Variants in CRLF2 observed in about 807,000 individuals in gnomAD.
CRLF2 encodes cytokine receptor like factor 2, also known as cytokine receptor-like factor 2.
A neutral mutation model predicts 38.7 loss-of-function variants in CRLF2; 41 were observed. The ratio of observed to expected loss-of-function variants is 1.06; its 90% confidence interval spans 0.83 to 1.37. CRLF2 has a LOEUF of 1.37. Among genes scored for constraint, CRLF2 ranks in the 40% most tolerant of loss-of-function variants. The pLI, the probability that CRLF2 is intolerant of heterozygous loss-of-function variation, is 0.00. For missense variants in CRLF2, 377 were observed against 322.2 expected, an observed-to-expected ratio of 1.17 and a Z score of -1.30; for synonymous variants, 140 against 128.8, an observed-to-expected ratio of 1.09 and a Z score of -0.59.
chrX:1,192,095 C>T (rs1190387132), intron 7 of CRLF2, among the ~76,000 whole-genome samples: 1 of 145,890 alleles, frequency 6.9e-6, no homozygotes, highest in East Asian at 2.2e-4. Flanking sequence ...GTCCCAGCTA[C>T]TTGGGAGGCT....
At chrX:1,206,647 T>C (rs1472172501) in intron 2 of CRLF2, 48 bp from the exon 3 acceptor site, 5 of 1,581,038 alleles carry the variant, frequency 3.2e-6, no homozygotes, top group Non-Finnish European at 4.3e-6. Flanking sequence ...AAAAAGCATG[T>C]CTTATTTATT....
In CRLF2 at chrX:1,194,664, C is replaced by G. The variant is rs2086447339; in HGVS notation, c.768-1362G>C. Among the ~76,000 whole-genome samples, 4 of 151,986 alleles carry G rather than the reference C, an allele frequency of 2.6e-5. No individual in the cohort carries two copies. In the South Asian group the frequency reaches 8.3e-4, roughly 31 times the overall value. On this transcript the variant is annotated intron_variant, in intron 6 of 7. Transcript: ENST00000400841. ...GAGACTATATTTGGAGATGGGGAGT[C>G]TCTAAAAAGGTGATGATAGTAAAAT...
chrX:1,207,804 C>T (rs1224171916), intron 2 of CRLF2, among the ~76,000 whole-genome samples: 1 of 151,230 alleles, frequency 6.6e-6, no homozygotes, highest in African/African-American at 2.4e-5. Flanking sequence ...CACCTGCCGC[C>T]ACGCCCGGCT....
intron 6 of CRLF2, among the ~76,000 whole-genome samples, chrX:1,195,722 T>TGCACGCCACCACACCCG (rs2086461415): frequency 6.9e-6 from 1 of 144,426 alleles, no homozygotes; most frequent in Non-Finnish European, 1.5e-5. Context: ...GGACTACAGG[T>TGCACGCCACCACACCCG]GCTAATTTTT....
chrX:1,197,262 T>C (rs1168274974), intron 5 of CRLF2, among the ~76,000 whole-genome samples: 1 of 150,662 alleles, frequency 6.6e-6, no homozygotes, highest in Admixed American at 6.7e-5. Context: ...CGGGCTAATT[T>C]TTGTATTTTT....
rs747962265 is a variant in CRLF2 at position 1,212,626 on chromosome X, C to G, written c.9G>C (p.Arg3=). 6 of 1,611,366 alleles carry G rather than the reference C, an allele frequency of 3.7e-6. No homozygotes were observed. Among genetic ancestry groups the G allele is most frequent in the Non-Finnish European group, 5.1e-6 (6 of 1,178,140 alleles). MG[R]LVLLWGAAVF... ...CGGCAGCTCCCCACAGCAGAACCAG[C>G]CGCCCCATGCCTGAAACAGGAGTGG... is the stretch of plus-strand genomic sequence containing the variant. The change falls in exon 1 of 8, where the codon CGG becomes CGC. Residue 3 remains arginine (R), a synonymous_variant. Coordinates refer to ENST00000400841, the MANE Select transcript of CRLF2 (RefSeq NM_022148.4).
intron 2 of CRLF2, among the ~76,000 whole-genome samples, chrX:1,207,165 C>T (rs1392922684): frequency 1.3e-5 from 2 of 151,402 alleles, no homozygotes; most frequent in South Asian, 2.1e-4. Flanking sequence ...AGGCTGGTCT[C>T]GATCTCCTGA....
At chrX:1,202,290 T>TCAGGAAGGTGTAGA in intron 4 of CRLF2, 112 bp downstream of exon 4, 1 of 1,266,540 alleles carries the variant, frequency 7.9e-7, no homozygotes, top group Non-Finnish European at 1.1e-6. Flanking sequence ...AGAGTGGAAT[T>TCAGGAAGGTGTAGA]CAGGAAGGTG....
intron 7 of CRLF2, 46 bp from the exon 8 acceptor site, chrX:1,191,206 C>A: frequency 2.5e-6 from 1 of 398,722 alleles, no homozygotes; most frequent in African/African-American, 2.1e-5. Context: ...ACACACCACA[C>A]ACAGCGTCCT....
chrX:1,198,182 TCCC>T (rs1569468879), intron 5 of CRLF2, among the ~76,000 whole-genome samples: 11 of 112,524 alleles, frequency 9.8e-5, no homozygotes, highest in Non-Finnish European at 1.8e-4. Flanking sequence ...CCCTCCCACC[TCCC>T]AGGAAGGCAG....
At chrX:1,205,832 A>C (rs749387739) in intron 3 of CRLF2, among the ~76,000 whole-genome samples, 1 of 151,864 alleles carries the variant, frequency 6.6e-6, no homozygotes, top group South Asian at 2.1e-4. Flanking sequence ...GACTTGCATG[A>C]GCTTGCTTTA....
intron 4 of CRLF2, among the ~76,000 whole-genome samples, chrX:1,200,264 T>C (rs2086578226): frequency 6.6e-6 from 1 of 151,600 alleles, no homozygotes; most frequent in African/African-American, 2.4e-5. Flanking sequence ...AAGCTGTGTA[T>C]ATAAGGTGCA....
In CRLF2 at chrX:1,202,512, C is replaced by T. The variant is rs367657347; in HGVS notation, c.373G>A (p.Val125Met). The stretch of plus-strand genomic sequence containing the variant: ...GCATCCTGATGCCACGAAAATCTCA[C>T]GTGCTTCGGGGAACTGGGTTTCACT... ...YYLKPSSPKH[V>M]RFSWHQDAVT... is the part of the protein sequence containing the mutation. The change falls in exon 4 of 8, where the codon GTG becomes ATG. Residue 125 changes from valine (V) to methionine (M), a missense_variant. Coordinates refer to ENST00000400841, the MANE Select transcript of CRLF2 (RefSeq NM_022148.4). 6.2e-6 allele frequency: 10 copies of T among 1,613,604 alleles called. No homozygotes were observed. The South Asian group carries it at 6.6e-5, about 11-fold the overall frequency.
At position 1,192,765 on chromosome X, in the gene CRLF2, T is replaced by TTTCC. The variant is rs1156877362; in HGVS notation, c.852+449_852+452dup. Among the ~76,000 whole-genome samples, 16 of 116,014 alleles carry TTTCC rather than the reference T, an allele frequency of 1.4e-4. 1 individual carries two copies. The highest frequency in any genetic ancestry group is 5.9e-4 in the South Asian group (2 of 3,368). The allele number at this position is 116,014 out of a possible 152,430, so 76.1% of individuals were successfully genotyped here. On this transcript the variant is annotated intron_variant, in intron 7 of 7. Transcript: ENST00000400841. ...CTTTCTTTCTTTCTTTCTTTCTTTC[T>TTTCC]TTCCTTCCTTCCTCTCTCCCCCTTT...
chrX:1,201,927 T>C (rs1311516004), intron 4 of CRLF2, among the ~76,000 whole-genome samples: 21 of 151,422 alleles, frequency 1.4e-4, no homozygotes, highest in African/African-American at 4.9e-4. Context: ...GATAGAGCCA[T>C]AGAGAGATAG....
At chrX:1,197,859 G>A (rs1452332019) in intron 5 of CRLF2, among the ~76,000 whole-genome samples, 2 of 151,766 alleles carry the variant, frequency 1.3e-5, no homozygotes, top group African/African-American at 4.8e-5. Context: ...GATTTAATCA[G>A]GTGTGGTGGC....
intron 1 of CRLF2, 124 bp downstream of exon 1, chrX:1,212,432 A>G: frequency 1.5e-6 from 1 of 647,044 alleles, no homozygotes; most frequent in Non-Finnish European, 2.6e-6. Context: ...AAAAAAAAAA[A>G]AAAAAAGAAA....
intron 5 of CRLF2, among the ~76,000 whole-genome samples, chrX:1,197,613 A>G (rs2086509353): frequency 2.0e-5 from 3 of 151,758 alleles, no homozygotes. Flanking sequence ...CAGGAGTTCG[A>G]GACCAGCCTG....
intron 4 of CRLF2, among the ~76,000 whole-genome samples, chrX:1,201,530 T>C (rs1176919305): frequency 4.5e-4 from 18 of 40,422 alleles, no homozygotes; most frequent in South Asian, 3.0e-3. Flanking sequence ...GAGAGAGAGA[T>C]AGATGATACA....
Sources: allele counts gnomAD v4.1 joint callset (sites outside exome capture counted in the v4.1 genomes callset), GRCh38; gene constraint gnomAD v4.1.1; transcripts MANE v1.5; gene names NCBI Gene and HGNC (gene_info 2026-07-23, HGNC 2026-07-21).